The following DCAF5 variants were observed in gnomAD, a reference collection of about 807,000 sequenced individuals.
The protein encoded by DCAF5 is DDB1 and CUL4 associated factor 5.
A neutral mutation model predicts 80.7 loss-of-function variants in DCAF5; 9 were observed. The observed-to-expected ratio is 0.11, with a 90% CI of 0.07 to 0.19. DCAF5 has a LOEUF of 0.19. Ranked by LOEUF, DCAF5 falls within the 10% of genes least tolerant of loss-of-function variation. The pLI, the probability that DCAF5 is intolerant of heterozygous loss-of-function variation, is 1.00. For synonymous variants in DCAF5, 433 were observed against 461.9 expected, an observed-to-expected ratio of 0.94 and a Z score of 0.80; for missense variants, 842 against 1,205.7, an observed-to-expected ratio of 0.70 and a Z score of 4.47.
Position 69,058,519 on chromosome 14 carries a change from CAAAAAAGAAAAAA to C in DCAF5, c.1075-2921_1075-2909del, listed in dbSNP as rs2038068798. Among the ~76,000 whole-genome samples, 3 of 139,330 alleles carry C rather than the reference CAAAAAAGAAAAAA, an allele frequency of 2.2e-5. No homozygotes were observed. The Admixed American group carries it at 2.4e-4, about 11-fold the overall frequency. The allele number at this position is 139,330 out of a possible 152,430, so 91.4% of individuals were successfully genotyped here. Reference sequence around the variant, plus strand: ...GGGTGACAAGAGCGAAATCCTGTCTCAAAAAAGAAAAAAAATACATATATATATATATGGCTAG... The same window carrying C: ...GGGTGACAAGAGCGAAATCCTGTCTCAATACATATATATATATATGGCTAG... On this transcript the variant is annotated intron_variant, in intron 8 of 8. Transcript: ENST00000341516.
intron 1 of DCAF5, among the ~76,000 whole-genome samples, chr14:69,130,303 G>C (rs751288417): frequency 6.6e-6 from 1 of 152,130 alleles, no homozygotes; most frequent in Non-Finnish European, 1.5e-5. Flanking sequence ...CAGAAGTCTG[G>C]TTAAAATTAT....
intron 5 of DCAF5, among the ~76,000 whole-genome samples, chr14:69,107,041 C>CA: frequency 8.0e-6 from 1 of 124,278 alleles, no homozygotes. Context: ...GACTTTGTCT[C>CA]AAAAAATAAA....
At chr14:69,091,031 G>A (rs1253836576) in intron 6 of DCAF5, 1 of 720,920 alleles carries the variant, frequency 1.4e-6, no homozygotes, top group Non-Finnish European at 2.5e-6. Context: ...AAGACAGAAA[G>A]GTGCAAGAAG....
chr14:69,091,510 T>TA (rs2039533206), intron 6 of DCAF5, among the ~76,000 whole-genome samples, 164 bp downstream of exon 6: 1 of 152,120 alleles, frequency 6.6e-6, no homozygotes, highest in East Asian at 1.9e-4. Context: ...ACAGCCTTGA[T>TA]AAAGAAACTC....
chr14:69,119,364 T>C (rs1269590528), intron 2 of DCAF5, 134 bp from the exon 3 acceptor site: 2 of 786,594 alleles, frequency 2.5e-6, no homozygotes, highest in Non-Finnish European at 4.0e-6. Flanking sequence ...AAGTGTTAAC[T>C]GGAAAAAAGA....
At chr14:69,099,295 C>T (rs192013284) in intron 5 of DCAF5, among the ~76,000 whole-genome samples, 2 of 137,262 alleles carry the variant, frequency 1.5e-5, no homozygotes, top group Non-Finnish European at 3.2e-5. Context: ...CACACACACA[C>T]ACACAACTAA....
At chr14:69,115,367 T>C (rs2040509411) in intron 5 of DCAF5, among the ~76,000 whole-genome samples, 1 of 152,168 alleles carries the variant, frequency 6.6e-6, no homozygotes, top group Non-Finnish European at 1.5e-5. Flanking sequence ...CATCTCTTAC[T>C]GCCCCATGGA....
chr14:69,141,138 T>TAAA (rs1566789265), intron 1 of DCAF5, among the ~76,000 whole-genome samples: 1 of 81,780 alleles, frequency 1.2e-5, no homozygotes, highest in African/African-American at 6.0e-5. Flanking sequence ...CATCTCAAAT[T>TAAA]TAAAAAAAAA....
In DCAF5 at chr14:69,053,232, T is replaced by A. The variant is rs1313706578; in HGVS notation, c.*625A>T. 1 of 152,308 alleles carries A rather than the reference T, an allele frequency of 6.6e-6. No homozygotes were observed. The highest frequency in any genetic ancestry group is 1.5e-5 in the Non-Finnish European group (1 of 68,064). 9.4% of individuals were successfully genotyped at this position (152,308 alleles called of 1,614,324 possible). A position where few individuals can be genotyped will look rare whatever the true frequency, so the allele number is the denominator to read the frequency against. On this transcript the variant is annotated 3_prime_UTR_variant, in exon 9 of 9. Transcript: ENST00000341516. ...TTTTTTATAGTATGTCCACATTAAA[T>A]GCTCAATAAAGAAGTGTTACTTAGA... is the stretch of plus-strand genomic sequence containing the variant.
chr14:69,068,062 TC>T (rs1467596133), intron 7 of DCAF5, among the ~76,000 whole-genome samples: 2 of 152,214 alleles, frequency 1.3e-5, no homozygotes, highest in Non-Finnish European at 1.5e-5. Context: ...TTACCAATCT[TC>T]CCAAATCTCT....
Position 69,054,112 on chromosome 14 carries a change from G to T in DCAF5, c.2574C>A (p.Ala858=). ...GQNLGELEVV[A]YSSPGHSDTD... Reference sequence around the variant, plus strand: ...TGTCTGAGTGTCCTGGGGAAGAGTAGGCCACCACCTCCAGCTCCCCCAAGT... The same window carrying T: ...TGTCTGAGTGTCCTGGGGAAGAGTATGCCACCACCTCCAGCTCCCCCAAGT... Residue 858 remains alanine, a synonymous_variant, in exon 9 of 9, where the codon GCC becomes GCA. Coordinates refer to ENST00000341516, the MANE Select transcript of DCAF5 (RefSeq NM_003861.3). 1 of 1,614,230 alleles carries T rather than the reference G, an allele frequency of 6.2e-7. No individual in the cohort carries two copies. Among genetic ancestry groups the T allele is most frequent in the Non-Finnish European group, 8.5e-7 (1 of 1,180,034 alleles).
intron 1 of DCAF5, among the ~76,000 whole-genome samples, chr14:69,125,456 A>G (rs2040844897): frequency 6.6e-6 from 1 of 152,258 alleles, no homozygotes; most frequent in South Asian, 2.1e-4. Flanking sequence ...TAAAACTCCA[A>G]TAGGAAAAGA....
intron 1 of DCAF5, among the ~76,000 whole-genome samples, chr14:69,129,558 C>T (rs2040978757): frequency 6.6e-6 from 1 of 152,208 alleles, no homozygotes; most frequent in South Asian, 2.1e-4. Flanking sequence ...AATTGTCTCC[C>T]TTAATCTCCT....
intron 1 of DCAF5, among the ~76,000 whole-genome samples, chr14:69,137,606 C>A (rs890262621): frequency 6.6e-6 from 1 of 152,186 alleles, no homozygotes; most frequent in East Asian, 1.9e-4. Flanking sequence ...ATGCACACTA[C>A]ACCCAGCCAC....
At chr14:69,082,857 G>A (rs1291700135) in intron 6 of DCAF5, among the ~76,000 whole-genome samples, 1 of 152,182 alleles carries the variant, frequency 6.6e-6, no homozygotes, top group Non-Finnish European at 1.5e-5. Context: ...TTCTAAGGAG[G>A]AGGATGAGAC....
chr14:69,063,291 T>C (rs1246851190), intron 7 of DCAF5, among the ~76,000 whole-genome samples: 1 of 152,232 alleles, frequency 6.6e-6, no homozygotes, highest in Non-Finnish European at 1.5e-5. Context: ...ACTTGTAACA[T>C]AGATAAACAT....
intron 7 of DCAF5, among the ~76,000 whole-genome samples, chr14:69,072,408 A>G (rs1295225911): frequency 6.6e-6 from 1 of 152,040 alleles, no homozygotes; most frequent in African/African-American, 2.4e-5. Context: ...AAAGAACAAG[A>G]AGGAAGAACA....
chr14:69,151,684 C>T lies in DCAF5; in HGVS notation c.214+1081G>A, dbSNP rs79808914. ...ACCCGCCCCTGCCCTGGGCCCGCGA[C>T]CCCAGGGAGGAGGGGACGACGGCGG... is the stretch of plus-strand genomic sequence containing the variant. On this transcript the variant is annotated intron_variant, in intron 1 of 8. Coordinates refer to ENST00000341516, the MANE Select transcript of DCAF5 (RefSeq NM_003861.3). Among the ~76,000 whole-genome samples, 964 of 152,218 alleles carry T rather than the reference C, an allele frequency of 6.3e-3. 20 individuals are homozygous for T. The East Asian group carries it at 0.064, about 10-fold the overall frequency.
At chr14:69,114,701 T>C (rs2040486364) in intron 5 of DCAF5, among the ~76,000 whole-genome samples, 1 of 152,072 alleles carries the variant, frequency 6.6e-6, no homozygotes, top group African/African-American at 2.4e-5. Context: ...TTTTTCTGCA[T>C]AAAACCCCCA....
Sources: allele counts gnomAD v4.1 joint callset (sites outside exome capture counted in the v4.1 genomes callset), GRCh38; gene constraint gnomAD v4.1.1; transcripts MANE v1.5; gene names NCBI Gene and HGNC (gene_info 2026-07-23, HGNC 2026-07-21).